Variants in WDR70 observed in about 807,000 individuals in gnomAD.
The protein encoded by WDR70 is WD repeat domain 70.
WDR70 carries 53 observed loss-of-function variants against 88.6 expected under a neutral mutation model. The ratio of observed to expected loss-of-function variants is 0.60; its 90% confidence interval spans 0.48 to 0.75. WDR70 has a LOEUF of 0.75. Ranked by LOEUF, WDR70 falls within the 30% of genes least tolerant of loss-of-function variation. WDR70 has a pLI of 0.00. For synonymous variants in WDR70, 280 were observed against 270.0 expected (o/e 1.04, Z -0.36); for missense variants, 610 against 823.2 (o/e 0.74, Z 3.17).
At chr5:37,565,535 G>T (rs780320533) in intron 9 of WDR70, among the ~76,000 whole-genome samples, 5 of 152,066 alleles carry the variant, frequency 3.3e-5, no homozygotes, top group Non-Finnish European at 7.4e-5. Context: ...TATCGTTAGA[G>T]TCTGTTATCT....
intron 9 of WDR70, 28 bp from the exon 10 acceptor site, chr5:37,605,036 A>G: frequency 6.5e-7 from 1 of 1,533,424 alleles, no homozygotes; most frequent in Non-Finnish European, 8.7e-7. Context: ...TTTTTTAAAT[A>G]AATGAAAAAT....
At chr5:37,579,663 GA>G (rs1156804710) in intron 9 of WDR70, among the ~76,000 whole-genome samples, 4 of 145,074 alleles carry the variant, frequency 2.8e-5, no homozygotes, top group African/African-American at 7.6e-5. Flanking sequence ...ATTATTGTTT[GA>G]AAAAAAATTG....
intron 9 of WDR70, among the ~76,000 whole-genome samples, chr5:37,525,862 C>T (rs1490093127): frequency 6.6e-6 from 1 of 152,144 alleles, no homozygotes; most frequent in African/African-American, 2.4e-5. Flanking sequence ...CACCTCTAGG[C>T]AAATAAACTA....
intron 5 of WDR70, among the ~76,000 whole-genome samples, chr5:37,425,475 G>C (rs778228561): frequency 3.9e-5 from 6 of 152,130 alleles, no homozygotes; most frequent in Non-Finnish European, 7.3e-5. Flanking sequence ...AATGGTGCAG[G>C]CATAAGGAAC....
intron 9 of WDR70, among the ~76,000 whole-genome samples, chr5:37,551,412 A>T (rs73061755): frequency 0.044 from 6,612 of 151,786 alleles, 486 homozygotes; most frequent in African/African-American, 0.15. Flanking sequence ...TTTATGTCTT[A>T]TTGTGCTGTC....
chr5:37,480,794 C>T (rs1739640990), intron 8 of WDR70, among the ~76,000 whole-genome samples: 1 of 152,188 alleles, frequency 6.6e-6, no homozygotes. Flanking sequence ...GTCCCCCAAA[C>T]TCTTATTTCA....
intron 8 of WDR70, among the ~76,000 whole-genome samples, chr5:37,515,450 T>C (rs978090491): frequency 6.6e-6 from 1 of 152,244 alleles, no homozygotes; most frequent in Admixed American, 6.5e-5. Context: ...AAATGAGATC[T>C]CAGACTTGCC....
chr5:37,547,682 A>G (rs1561896913), intron 9 of WDR70, among the ~76,000 whole-genome samples: 1 of 152,292 alleles, frequency 6.6e-6, no homozygotes, highest in East Asian at 1.9e-4. Context: ...GTACGATTAA[A>G]TGATTATTGA....
intron 7 of WDR70, among the ~76,000 whole-genome samples, chr5:37,457,721 C>T (rs930310651): frequency 1.3e-5 from 2 of 152,110 alleles, no homozygotes; most frequent in Non-Finnish European, 2.9e-5. Context: ...AATTCCACAG[C>T]TATATTCTTT....
At chr5:37,420,217 A>C (rs1418531587) in intron 5 of WDR70, among the ~76,000 whole-genome samples, 2 of 152,190 alleles carry the variant, frequency 1.3e-5, no homozygotes, top group Non-Finnish European at 2.9e-5. Context: ...ATAAATAAAT[A>C]AAAAGAGAAA....
At chr5:37,730,502 C>T (rs1160188487) in intron 17 of WDR70, among the ~76,000 whole-genome samples, 1 of 152,020 alleles carries the variant, frequency 6.6e-6, no homozygotes, top group African/African-American at 2.4e-5. Flanking sequence ...CTAGAAATCA[C>T]TCTACATCAG....
At chr5:37,505,893 C>G (rs1425070536) in intron 8 of WDR70, 11 of 1,344,512 alleles carry the variant, frequency 8.2e-6, no homozygotes, top group Admixed American at 5.0e-5. Context: ...CAAGTTAATT[C>G]CTGTCATCTG....
intron 8 of WDR70, among the ~76,000 whole-genome samples, chr5:37,512,037 C>T (rs1318747139): frequency 6.6e-6 from 1 of 152,150 alleles, no homozygotes; most frequent in Non-Finnish European, 1.5e-5. Context: ...ATTACAGAGG[C>T]CAGAAGGCTG....
chr5:37,384,539 A>G (rs1165481334), intron 3 of WDR70, among the ~76,000 whole-genome samples: 1 of 151,540 alleles, frequency 6.6e-6, no homozygotes, highest in Non-Finnish European at 1.5e-5. Context: ...GGGCGCCTGT[A>G]GTCCCAGCTA....
chr5:37,680,637 G>A (rs1342014226), intron 10 of WDR70, among the ~76,000 whole-genome samples: 1 of 152,102 alleles, frequency 6.6e-6, no homozygotes, highest in Non-Finnish European at 1.5e-5. Flanking sequence ...TTCTCCTAGC[G>A]CTATTTATTA....
At chr5:37,617,287 A>G (rs758849699) in intron 10 of WDR70, among the ~76,000 whole-genome samples, 1 of 152,320 alleles carries the variant, frequency 6.6e-6, no homozygotes, top group Admixed American at 6.5e-5. Flanking sequence ...TTTCACTGCT[A>G]TATGGTTCAA....
Position 37,707,526 on chromosome 5 carries a change from A to G in WDR70, c.1416+4439A>G, listed in dbSNP as rs1395831898. On this transcript the variant is annotated intron_variant, in intron 13 of 17. Coordinates refer to ENST00000265107, the MANE Select transcript of WDR70 (RefSeq NM_018034.4). Reference sequence around the variant, plus strand: ...AACCTTTATTTTTGAAAACACTGCTATAACATCTAGCATAACCTAGCATAT... The same window carrying G: ...AACCTTTATTTTTGAAAACACTGCTGTAACATCTAGCATAACCTAGCATAT... Among the ~76,000 whole-genome samples, 6 of 152,330 alleles carry G rather than the reference A, an allele frequency of 3.9e-5. No individual in the cohort carries two copies. The East Asian group carries it at 9.6e-4, about 24-fold the overall frequency.
chr5:37,394,336 G>C (rs543197719), intron 4 of WDR70, among the ~76,000 whole-genome samples: 1 of 151,374 alleles, frequency 6.6e-6, no homozygotes, highest in African/African-American at 2.4e-5. Context: ...CTGGAAACTT[G>C]TGCGTTAATC....
rs1331660390 is a variant in WDR70 at position 37,698,782 on chromosome 5, C to T, written c.1192+1028C>T. On this transcript the variant is annotated intron_variant, in intron 11 of 17. Transcript: ENST00000265107. ...AATTTAACTAGTCCCTGTCCTTTTA[C>T]CCTGGGGAACTCATTCAGATTCTCT... 5.9e-5 allele frequency among the ~76,000 whole-genome samples: 9 copies of T among 152,132 alleles called. 1 individual carries two copies. Among genetic ancestry groups the T allele is most frequent in the Admixed American group, 5.9e-4 (9 of 15,272 alleles).
Sources: gnomAD v4.1 joint callset for allele counts (sites outside exome capture counted in the v4.1 genomes callset) on GRCh38, gnomAD v4.1.1 for gene constraint, MANE v1.5 for transcripts, NCBI Gene and HGNC (gene_info 2026-07-23, HGNC 2026-07-21) for gene names.